The following UBE2G1 variants were observed in gnomAD, a reference collection of about 807,000 sequenced individuals.
The protein encoded by UBE2G1 is ubiquitin-conjugating enzyme E2 G1.
UBE2G1 carries 5 observed loss-of-function variants against 22.7 expected under a neutral mutation model. The observed-to-expected ratio is 0.22, with a 90% CI of 0.12 to 0.46. UBE2G1 has a LOEUF of 0.46. Ranked by LOEUF, UBE2G1 falls within the 20% of genes least tolerant of loss-of-function variation. The probability of loss-of-function intolerance (pLI) is 0.99; values close to 1 mark genes in which losing one functional copy is unlikely to be tolerated. For synonymous variants in UBE2G1, 74 were observed against 67.5 expected (o/e 1.10, Z -0.47); for missense variants, 88 against 203.9 (o/e 0.43, Z 3.46).
intron 1 of UBE2G1, among the ~76,000 whole-genome samples, chr17:4,337,344 G>GA (rs1327447450): frequency 4.1e-5 from 6 of 146,944 alleles, no homozygotes; most frequent in African/African-American, 1.5e-4. Context: ...GAAAAGAAAA[G>GA]AAAGAAAGAA....
At position 4,278,454 on chromosome 17, in the gene UBE2G1, A is replaced by T. The variant is rs531621754; in HGVS notation, c.*37+4344T>A. Among the ~76,000 whole-genome samples the T allele has an allele frequency of 7.6e-4, 116 of 152,062 alleles. 1 individual carries two copies. The highest frequency in any genetic ancestry group is 2.6e-3 in the African/African-American group (109 of 41,448). ...ACTTAAAAAAGAAAAAATAAAAAAA[A>T]ATCTTGATGTTTTACGAAATTCTAC... On this transcript the variant is annotated intron_variant, in intron 5 of 5. Coordinates refer to ENST00000396981, the MANE Select transcript of UBE2G1 (RefSeq NM_003342.5).
intron 1 of UBE2G1, among the ~76,000 whole-genome samples, chr17:4,364,624 AGGCTGGAAAGCAAT>A (rs1426755381): frequency 1.4e-5 from 2 of 140,786 alleles, no homozygotes; most frequent in Admixed American, 1.5e-4. Context: ...TCTGTTGCCC[AGGCTGGAAAGCAAT>A]GGCGCGATCT....
At chr17:4,331,042 A>C (rs1216125633) in intron 1 of UBE2G1, among the ~76,000 whole-genome samples, 3 of 150,378 alleles carry the variant, frequency 2.0e-5, no homozygotes, top group Admixed American at 6.6e-5. Context: ...CTTTCTTGGG[A>C]ATTTTTAAAA....
intron 1 of UBE2G1, among the ~76,000 whole-genome samples, chr17:4,321,822 A>G (rs1969442725): frequency 1.3e-5 from 2 of 152,186 alleles, no homozygotes; most frequent in Non-Finnish European, 2.9e-5. Context: ...TAAGGGATGA[A>G]GGCAATATTT....
intron 1 of UBE2G1, among the ~76,000 whole-genome samples, chr17:4,358,262 G>T (rs1287177281): frequency 6.6e-6 from 1 of 152,150 alleles, no homozygotes; most frequent in East Asian, 1.9e-4. Context: ...GTTTCTTGGT[G>T]TCTTTTGCCC....
chr17:4,316,662 C>T (rs1392369959), intron 1 of UBE2G1, among the ~76,000 whole-genome samples: 2 of 152,132 alleles, frequency 1.3e-5, no homozygotes, highest in African/African-American at 4.8e-5. Context: ...TACCACGACA[C>T]GGGCTACCGG....
At chr17:4,340,112 G>A (rs1350756088) in intron 1 of UBE2G1, among the ~76,000 whole-genome samples, 1 of 152,046 alleles carries the variant, frequency 6.6e-6, no homozygotes, top group Non-Finnish European at 1.5e-5. Context: ...TAGAGACAGG[G>A]TCTCCCCTAT....
chr17:4,334,917 T>A (rs1423037477), intron 1 of UBE2G1, among the ~76,000 whole-genome samples: 1 of 152,076 alleles, frequency 6.6e-6, no homozygotes, highest in African/African-American at 2.4e-5. Context: ...ATATATAAAA[T>A]TGAATGAAGT....
At chr17:4,300,314 G>A (rs1186112950) in intron 2 of UBE2G1, among the ~76,000 whole-genome samples, 4 of 152,000 alleles carry the variant, frequency 2.6e-5, no homozygotes, top group South Asian at 2.1e-4. Context: ...AGGCTGAGGC[G>A]GGCGGATCAC....
chr17:4,352,264 G>A (rs1264747543), intron 1 of UBE2G1, among the ~76,000 whole-genome samples: 1 of 152,142 alleles, frequency 6.6e-6, no homozygotes, highest in East Asian at 1.9e-4. Context: ...GGGTCTTGCT[G>A]TGTCAACCAG....
chr17:4,338,792 C>A (rs1281097332), intron 1 of UBE2G1, among the ~76,000 whole-genome samples: 1 of 152,138 alleles, frequency 6.6e-6, no homozygotes, highest in African/African-American at 2.4e-5. Context: ...GCCGATCAAT[C>A]AGAAAAAATG....
chr17:4,309,094 T>C (rs1005762345), intron 1 of UBE2G1, among the ~76,000 whole-genome samples: 1 of 152,062 alleles, frequency 6.6e-6, no homozygotes, highest in Non-Finnish European at 1.5e-5. Flanking sequence ...ACCCTGTCTT[T>C]AGTAAAAATA....
chr17:4,331,187 A>G (rs530786698), intron 1 of UBE2G1, among the ~76,000 whole-genome samples: 3 of 152,350 alleles, frequency 2.0e-5, no homozygotes, highest in South Asian at 2.1e-4. Context: ...GAAGGCAATC[A>G]GTAATATTTA....
At chr17:4,324,970 G>C (rs542907127) in intron 1 of UBE2G1, among the ~76,000 whole-genome samples, 1 of 151,998 alleles carries the variant, frequency 6.6e-6, no homozygotes, top group Non-Finnish European at 1.5e-5. Context: ...CCAGCTACTC[G>C]GGAGGCTGAG....
At chr17:4,323,245 C>T (rs568889252) in intron 1 of UBE2G1, among the ~76,000 whole-genome samples, 3 of 152,044 alleles carry the variant, frequency 2.0e-5, no homozygotes, top group Non-Finnish European at 4.4e-5. Context: ...AAAAATTGAG[C>T]GATGTTAAGC....
chr17:4,317,697 CACTT>C (rs1003593077), intron 1 of UBE2G1, among the ~76,000 whole-genome samples: 22 of 152,216 alleles, frequency 1.4e-4, no homozygotes, highest in African/African-American at 4.8e-4. Context: ...CCTAAAATAA[CACTT>C]ACTGACATTC....
At chr17:4,347,469 CTTT>C (rs34014821) in intron 1 of UBE2G1, among the ~76,000 whole-genome samples, 34 of 89,530 alleles carry the variant, frequency 3.8e-4, no homozygotes, top group Admixed American at 1.3e-3. Flanking sequence ...AGTATTTCTT[CTTT>C]TTTTTTTTTT....
chr17:4,359,120 A>T (rs1444813454), intron 1 of UBE2G1, among the ~76,000 whole-genome samples: 3 of 152,168 alleles, frequency 2.0e-5, no homozygotes, highest in Non-Finnish European at 4.4e-5. Context: ...GACATAAAGA[A>T]CTTTTTTAAA....
chr17:4,274,355 G>A (rs1481514420), intron 5 of UBE2G1, among the ~76,000 whole-genome samples: 7 of 151,850 alleles, frequency 4.6e-5, no homozygotes, highest in African/African-American at 1.2e-4. Flanking sequence ...CTGCCACCAT[G>A]CCCGGCTAAT....
Sources: allele counts gnomAD v4.1 joint callset (sites outside exome capture counted in the v4.1 genomes callset), GRCh38; gene constraint gnomAD v4.1.1; transcripts MANE v1.5; gene names NCBI Gene and HGNC (gene_info 2026-07-23, HGNC 2026-07-21).